Variants in TNRC6A observed in about 807,000 individuals in gnomAD.
TNRC6A encodes trinucleotide repeat-containing gene 6A protein.
A neutral mutation model predicts 221.2 loss-of-function variants in TNRC6A; 44 were observed. The observed-to-expected ratio is 0.20, with a 90% CI of 0.16 to 0.26. The LOEUF is 0.26. TNRC6A is among the 10% of genes least tolerant of loss of function. The pLI, the probability that TNRC6A is intolerant of heterozygous loss-of-function variation, is 1.00. For synonymous variants in TNRC6A, 847 were observed against 838.5 expected (o/e 1.01, Z -0.18); for missense variants, 2,199 against 2,404.4 (o/e 0.91, Z 1.79).
intron 2 of TNRC6A, among the ~76,000 whole-genome samples, chr16:24,708,941 A>G (rs1025881967): frequency 2.0e-5 from 3 of 152,130 alleles, no homozygotes; most frequent in Non-Finnish European, 2.9e-5. Context: ...GCAATTGTGA[A>G]TTGTGCTGCC....
In TNRC6A at chr16:24,793,606, G is replaced by A. The variant is rs768040697; in HGVS notation, c.3309G>A (p.Thr1103=). ...TTGCTGCGGCATCCAGCACATCCACGTGGGGCTCCAGCTCTGTTGGTCCAC... is the reference window on the plus strand; with the variant it reads ...TTGCTGCGGCATCCAGCACATCCACATGGGGCTCCAGCTCTGTTGGTCCAC... ...EPIAAASSTS[T]WGSSSVGPQA... Residue 1103 remains threonine (T), a synonymous_variant, in exon 7 of 25, where the codon ACG becomes ACA. Transcript: ENST00000395799. 21 of 1,554,528 alleles carry A rather than the reference G, an allele frequency of 1.4e-5. No individual in the cohort carries two copies. In the South Asian group the frequency reaches 1.4e-4, roughly 10 times the overall value.
chr16:24,664,663 A>G (rs1372204476), intron 2 of TNRC6A, among the ~76,000 whole-genome samples: 1 of 140,550 alleles, frequency 7.1e-6, no homozygotes, highest in Admixed American at 7.4e-5. Context: ...TAATAAATTT[A>G]TTATTTATTA....
upstream of TNRC6A, among the ~76,000 whole-genome samples, chr16:24,726,362 C>T (rs866193867): frequency 2.2e-5 from 3 of 134,594 alleles, no homozygotes; most frequent in African/African-American, 8.3e-5. Flanking sequence ...CAAAAGATAC[C>T]AAAAAAAAAA....
At chr16:24,723,499 C>G (rs1037929852) in intron 2 of TNRC6A, among the ~76,000 whole-genome samples, 1 of 151,044 alleles carries the variant, frequency 6.6e-6, no homozygotes, top group African/African-American at 2.4e-5. Flanking sequence ...GGGGCTGAGA[C>G]AGGAGAATTG....
chr16:24,645,708 A>G (rs1902241751), intron 2 of TNRC6A, among the ~76,000 whole-genome samples: 1 of 150,740 alleles, frequency 6.6e-6, no homozygotes, highest in Non-Finnish European at 1.5e-5. Context: ...CATTAAAAAT[A>G]TTTTGCAGCC....
At chr16:24,821,042 G>A (rs1179851383) in intron 22 of TNRC6A, among the ~76,000 whole-genome samples, 1 of 152,198 alleles carries the variant, frequency 6.6e-6, no homozygotes, top group Non-Finnish European at 1.5e-5. Flanking sequence ...AATATTTTCT[G>A]ATTAAATATG....
intron 2 of TNRC6A, among the ~76,000 whole-genome samples, chr16:24,718,466 T>G (rs905923828): frequency 1.3e-5 from 2 of 152,168 alleles, no homozygotes; most frequent in African/African-American, 4.8e-5. Context: ...AGGAGAGGAC[T>G]TCCATTCAGA....
chr16:24,624,333 G>A (rs1596549286), intron 1 of TNRC6A, among the ~76,000 whole-genome samples: 1 of 152,176 alleles, frequency 6.6e-6, no homozygotes, highest in East Asian at 1.9e-4. Flanking sequence ...AGGTGCTACA[G>A]CATTATACAG....
intron 10 of TNRC6A, 94 bp downstream of exon 10, chr16:24,797,664 G>C (rs543037768): frequency 8.9e-7 from 1 of 1,124,728 alleles, no homozygotes; most frequent in African/African-American, 1.6e-5. Flanking sequence ...TTTCATCTTC[G>C]AGTCCTTAGG....
chr16:24,708,932 C>G (rs1376494089), intron 2 of TNRC6A, among the ~76,000 whole-genome samples: 1 of 152,108 alleles, frequency 6.6e-6, no homozygotes, highest in Non-Finnish European at 1.5e-5. Context: ...CATAGCCTTG[C>G]AATTGTGAAT....
intron 11 of TNRC6A, among the ~76,000 whole-genome samples, chr16:24,799,041 T>A (rs2058277462): frequency 6.6e-6 from 1 of 152,166 alleles, no homozygotes; most frequent in Non-Finnish European, 1.5e-5. Flanking sequence ...AGGCACTCGC[T>A]ACGGAGCTAC....
intron 4 of TNRC6A, among the ~76,000 whole-genome samples, chr16:24,774,780 G>A (rs141437183): frequency 7.9e-5 from 12 of 152,096 alleles, no homozygotes; most frequent in African/African-American, 2.7e-4. Context: ...CATTGGTTCC[G>A]GGACCCCCAA....
intron 1 of TNRC6A, among the ~76,000 whole-genome samples, chr16:24,611,341 G>A (rs1184499993): frequency 6.6e-6 from 1 of 152,200 alleles, no homozygotes; most frequent in Non-Finnish European, 1.5e-5. Flanking sequence ...AGTTCCCGCT[G>A]TGTGTACGTG....
At chr16:24,794,515 T>G in intron 7 of TNRC6A, 29 bp from the exon 8 acceptor site, 3 of 1,591,822 alleles carry the variant, frequency 1.9e-6, no homozygotes, top group Non-Finnish European at 2.6e-6. Context: ...TAAAGTATGT[T>G]TCTCTTTATA....
chr16:24,692,080 C>T (rs920383140), intron 2 of TNRC6A, among the ~76,000 whole-genome samples: 2 of 152,162 alleles, frequency 1.3e-5, no homozygotes, highest in East Asian at 3.8e-4. Flanking sequence ...GTATACTTTG[C>T]TTTCCTTTTT....
At chr16:24,792,008 C>T (rs2151883782) in intron 6 of TNRC6A, among the ~76,000 whole-genome samples, 191 bp downstream of exon 6, 1 of 152,134 alleles carries the variant, frequency 6.6e-6, no homozygotes, top group East Asian at 1.9e-4. Flanking sequence ...TGTTTGAGTC[C>T]TGCACACTTC....
chr16:24,612,958 A>G (rs1362146627), intron 1 of TNRC6A, among the ~76,000 whole-genome samples: 1 of 151,928 alleles, frequency 6.6e-6, no homozygotes, highest in Non-Finnish European at 1.5e-5. Flanking sequence ...AAGAATATAT[A>G]ACTGAAGGCC....
rs5816260 is a variant in TNRC6A at position 24,626,649 on chromosome 16, C to CTT, written n.277-14218_277-14217dup. Among the ~76,000 whole-genome samples, 119 of 126,916 alleles carry CTT rather than the reference C, an allele frequency of 9.4e-4. 3 individuals carry two copies. The highest frequency in any genetic ancestry group is 4.8e-3 in the Middle Eastern group (1 of 210). The allele number at this position is 126,916 out of a possible 152,430, so 83.3% of individuals were successfully genotyped here. On this transcript the variant is annotated intron_variant and non_coding_transcript_variant, in intron 1 of 2. Transcript: ENST00000566108. ...TACCAAGTTTTTTTAGATACTATTT[C>CTT]TTTTTTTTTTTTTTTTTTGAGACGG... is the stretch of plus-strand genomic sequence containing the variant.
At chr16:24,628,022 G>C (rs1318800337) in intron 1 of TNRC6A, among the ~76,000 whole-genome samples, 1 of 151,636 alleles carries the variant, frequency 6.6e-6, no homozygotes, top group Non-Finnish European at 1.5e-5. Flanking sequence ...TAGCAATTTT[G>C]GATTTATATG....
Sources: gnomAD v4.1 joint callset for allele counts (sites outside exome capture counted in the v4.1 genomes callset) on GRCh38, gnomAD v4.1.1 for gene constraint, MANE v1.5 for transcripts, NCBI Gene and HGNC (gene_info 2026-07-23, HGNC 2026-07-21) for gene names.